VASP: variants seen among roughly 807,000 people sequenced by gnomAD.
VASP encodes vasodilator stimulated phosphoprotein, also known as vasodilator-stimulated phosphoprotein.
In VASP, 27 loss-of-function variants were observed where a neutral mutation model predicts 54.4. That is an observed-to-expected ratio of 0.50 (90% confidence interval 0.37 to 0.68). The LOEUF is 0.68. Ranked by LOEUF, VASP falls within the 30% of genes least tolerant of loss-of-function variation. VASP has a pLI of 0.00. For synonymous variants in VASP, 233 were observed against 209.8 expected, an observed-to-expected ratio of 1.11 and a Z score of -0.96; for missense variants, 488 against 528.3, an observed-to-expected ratio of 0.92 and a Z score of 0.75.
intron 1 of VASP, among the ~76,000 whole-genome samples, chr19:45,509,799 G>A (rs1454703062): frequency 6.6e-6 from 1 of 152,226 alleles, no homozygotes; most frequent in African/African-American, 2.4e-5. Flanking sequence ...GGGAAACTGA[G>A]GCTCAAAGAG....
chr19:45,522,305 T>C, intron 5 of VASP, 35 bp from the exon 6 acceptor site: 1 of 1,613,334 alleles, frequency 6.2e-7, no homozygotes, highest in Non-Finnish European at 8.5e-7. Flanking sequence ...GAGGCTTCTC[T>C]CTCTCAGCTG....
chr19:45,512,228 T>G (rs1371058631), intron 1 of VASP, among the ~76,000 whole-genome samples: 1 of 152,046 alleles, frequency 6.6e-6, no homozygotes, highest in Non-Finnish European at 1.5e-5. Flanking sequence ...ACAGTTAGTG[T>G]CTTGGGAAAC....
chr19:45,525,695 CAAAAAAA>C (rs546240891), intron 11 of VASP: 1 of 321,740 alleles, frequency 3.1e-6, no homozygotes, highest in Non-Finnish European at 5.7e-6. Flanking sequence ...GACTCTGTTT[CAAAAAAA>C]AAAAGAAAAA....
chr19:45,521,250 G>A, intron 3 of VASP, 72 bp from the exon 4 acceptor site: 1 of 1,436,460 alleles, frequency 7.0e-7, no homozygotes, highest in Non-Finnish European at 9.6e-7. Context: ...AGGCCTGGGA[G>A]AGCAAGGGAA....
rs768403463 is a variant in VASP, at chr19:45,521,445, C to T, written c.428+39C>T. The T allele has an allele frequency of 8.8e-6, 13 of 1,478,154 alleles. No homozygotes were observed. In the African/African-American group the frequency reaches 1.8e-4, roughly 21 times the overall value. 91.6% of individuals were successfully genotyped at this position (1,478,154 alleles called of 1,614,324 possible). A position where few individuals can be genotyped will look rare whatever the true frequency, so the allele number is the denominator to read the frequency against. ...CTGGGTGGGGAACCTTAGCCGCTGC[C>T]AGAGTTCCATATGTTCTGGAACCCT... On this transcript the variant is annotated intron_variant, in intron 4 of 12. Transcript: ENST00000245932.
At chr19:45,520,075 T>C (rs1034370572) in intron 3 of VASP, among the ~76,000 whole-genome samples, 8 of 151,790 alleles carry the variant, frequency 5.3e-5, no homozygotes, top group African/African-American at 1.9e-4. Context: ...CTAATTTTTG[T>C]AGTTTTAGTA....
intron 3 of VASP, 46 bp downstream of exon 3, chr19:45,518,140 T>C (rs1298258809): frequency 6.3e-7 from 1 of 1,591,076 alleles, no homozygotes; most frequent in East Asian, 2.2e-5. Context: ...TGCGGCTGTG[T>C]GGCCTGGGGC....
intron 1 of VASP, among the ~76,000 whole-genome samples, chr19:45,516,037 A>G (rs1370058437): frequency 1.3e-5 from 2 of 152,144 alleles, no homozygotes; most frequent in Non-Finnish European, 2.9e-5. Flanking sequence ...GCACCAGTTT[A>G]CTGACACCTC....
At chr19:45,519,744 C>T (rs558857462) in intron 3 of VASP, among the ~76,000 whole-genome samples, 4 of 141,800 alleles carry the variant, frequency 2.8e-5, no homozygotes, top group East Asian at 1.9e-4. Context: ...TACAGGCACC[C>T]GCCACCACAT....
chr19:45,509,610 C>T (rs1406513752), intron 1 of VASP, among the ~76,000 whole-genome samples: 1 of 152,234 alleles, frequency 6.6e-6, no homozygotes, highest in East Asian at 1.9e-4. Context: ...AGCATCCCGT[C>T]TTGTGGGGGT....
In VASP at chr19:45,526,163, C is replaced by G; in HGVS notation, c.1129C>G (p.Arg377Gly). The G allele has an allele frequency of 6.2e-7, 1 of 1,613,140 alleles. No homozygotes were observed. Among genetic ancestry groups the G allele is most frequent in the Non-Finnish European group, 8.5e-7 (1 of 1,179,822 alleles). ...AGCCTTCGTCCAGGAGCTGAGGAAGCGGGGTTCTCCCTGACCACAGGGACC... is the reference window on the plus strand; with the variant it reads ...AGCCTTCGTCCAGGAGCTGAGGAAGGGGGGTTCTCCCTGACCACAGGGACC... ...IEAFVQELRKRGSP is the reference protein window; with the variant it reads ...IEAFVQELRKGGSP Residue 377 changes from arginine (R) to glycine (G), a missense_variant, in exon 13 of 13, where the codon CGG becomes GGG. Transcript: ENST00000245932.
chr19:45,514,803 G>A (rs527895806), intron 1 of VASP, among the ~76,000 whole-genome samples: 27 of 152,294 alleles, frequency 1.8e-4, no homozygotes, highest in African/African-American at 6.0e-4. Flanking sequence ...AACAGCCCCC[G>A]AGGCTGTGTT....
chr19:45,523,133 C>G (rs1377968554), intron 7 of VASP, among the ~76,000 whole-genome samples: 1 of 149,608 alleles, frequency 6.7e-6, no homozygotes, highest in African/African-American at 2.5e-5. Flanking sequence ...TTACTGTTCC[C>G]TAATATAAGA....
intron 3 of VASP, 129 bp from the exon 4 acceptor site, chr19:45,521,191 CAG>C: frequency 1.1e-6 from 1 of 917,882 alleles, no homozygotes; most frequent in South Asian, 1.5e-5. Context: ...CCTGGAGCCT[CAG>C]GGCCTCTGGA....
intron 1 of VASP, among the ~76,000 whole-genome samples, chr19:45,510,229 T>G (rs1012633616): frequency 6.6e-5 from 10 of 151,980 alleles, no homozygotes; most frequent in Non-Finnish European, 8.8e-5. Flanking sequence ...TTTGTTGGTT[T>G]GTTTGTTTGT....
intron 4 of VASP, among the ~76,000 whole-genome samples, 182 bp downstream of exon 4, chr19:45,521,588 G>A (rs1160498558): frequency 6.6e-6 from 1 of 152,218 alleles, no homozygotes; most frequent in Non-Finnish European, 1.5e-5. Flanking sequence ...TCAGAATATG[G>A]TGGTTGAAAG....
At chr19:45,513,468 C>CTTTTTTTTT (rs71173173) in intron 1 of VASP, among the ~76,000 whole-genome samples, 1,638 of 92,754 alleles carry the variant, frequency 0.018, 72 homozygotes, top group Non-Finnish European at 0.02. Flanking sequence ...AGTCTCTCTC[C>CTTTTTTTTT]TTTTTTTTTT....
chr19:45,525,901 A>G (rs773327786), intron 11 of VASP, 45 bp from the exon 12 acceptor site: 10 of 1,572,296 alleles, frequency 6.4e-6, no homozygotes, highest in Non-Finnish European at 8.6e-6. Flanking sequence ...CATTCCTGCA[A>G]GTCCCGGTAC....
chr19:45,520,882 T>G (rs538368151), intron 3 of VASP, among the ~76,000 whole-genome samples: 92 of 152,290 alleles, frequency 6.0e-4, no homozygotes, highest in African/African-American at 2.0e-3. Flanking sequence ...GAGAATCTCT[T>G]GAACCCGGGA....
Sources: allele counts gnomAD v4.1 joint callset (sites outside exome capture counted in the v4.1 genomes callset), GRCh38; gene constraint gnomAD v4.1.1; transcripts MANE v1.5; gene names NCBI Gene and HGNC (gene_info 2026-07-23, HGNC 2026-07-21).